SECISBP2L: variants seen among roughly 807,000 people sequenced by gnomAD.
The protein encoded by SECISBP2L is selenocysteine insertion sequence-binding protein 2-like.
In SECISBP2L, 43 loss-of-function variants were observed where a neutral mutation model predicts 114.7. The ratio of observed to expected loss-of-function variants is 0.38; its 90% CI spans 0.29 to 0.48. SECISBP2L has a LOEUF of 0.48. SECISBP2L is among the 20% of genes least tolerant of loss of function. The probability of loss-of-function intolerance (pLI) is 0.98; values close to 1 mark genes in which losing one functional copy is unlikely to be tolerated. For synonymous variants in SECISBP2L, 451 were observed against 439.7 expected, an observed-to-expected ratio of 1.03 and a Z score of -0.32; for missense variants, 1,136 against 1,301.1, an observed-to-expected ratio of 0.87 and a Z score of 1.95.
intron 13 of SECISBP2L, among the ~76,000 whole-genome samples, chr15:49,010,079 C>G (rs935659088): frequency 4.1e-4 from 61 of 147,332 alleles, no homozygotes; most frequent in Non-Finnish European, 7.2e-4. Context: ...TTGCAGTGAG[C>G]CAAGATGGCA....
At chr15:49,019,643 C>G in intron 7 of SECISBP2L, 91 bp from the exon 8 acceptor site, 1 of 1,047,336 alleles carries the variant, frequency 9.5e-7, no homozygotes, top group Non-Finnish European at 1.2e-6. Context: ...AAAGTACACG[C>G]AAGTGTACAA....
intron 8 of SECISBP2L, chr15:49,017,833 C>T (rs1413838946): frequency 2.3e-5 from 9 of 393,278 alleles, no homozygotes; most frequent in South Asian, 1.1e-4. Context: ...CGTATCCACA[C>T]ATGTCCAGTT....
In SECISBP2L at chr15:48,992,796, A is replaced by G. The variant is rs374106456; in HGVS notation, c.2754T>C (p.Gly918=). The change falls in exon 18 of 18, where the codon GGT becomes GGC. Residue 918 remains glycine (G), a synonymous_variant. Coordinates refer to ENST00000559471, the MANE Select transcript of SECISBP2L (RefSeq NM_001193489.2). ...SKLPFDTPPI[G]KQPSLVATGS... is the part of the protein sequence containing the mutation. Reference sequence around the variant, plus strand: ...CTGTAGCCACTAATGATGGCTGCTTACCAATTGGGGGTGTGTCAAATGGAA... The same window carrying G: ...CTGTAGCCACTAATGATGGCTGCTTGCCAATTGGGGGTGTGTCAAATGGAA... 4 of 1,614,034 alleles carry G rather than the reference A, an allele frequency of 2.5e-6. No individual in the cohort carries two copies. Among genetic ancestry groups the G allele is most frequent in the Non-Finnish European group, 2.5e-6 (3 of 1,180,036 alleles).
chr15:49,028,619 G>C lies in SECISBP2L; in HGVS notation c.728C>G (p.Ser243Cys), dbSNP rs757199185. 6.2e-7 allele frequency: 1 copy of C among 1,614,108 alleles called. No homozygotes were observed. The highest frequency in any genetic ancestry group is 1.1e-5 in the South Asian group (1 of 91,076). ...SETTATMLWK[S>C]KGRRRRASHP... ...GGATGCTCTTCTTCTCCTGCCCTTG[G>C]ACTTCCAGAGCATTGTTGCAGTGGT... is the stretch of plus-strand genomic sequence containing the variant. The change falls in exon 5 of 18, where the codon TCC becomes TGC. Residue 243 changes from serine (S) to cysteine (C), a missense_variant. Coordinates refer to ENST00000559471, the MANE Select transcript of SECISBP2L (RefSeq NM_001193489.2).
intron 1 of SECISBP2L, among the ~76,000 whole-genome samples, chr15:49,039,474 TCA>T (rs907089847): frequency 1.3e-4 from 19 of 150,864 alleles, no homozygotes; most frequent in African/African-American, 4.6e-4. Flanking sequence ...GAAACTGAAA[TCA>T]CAGTTTAACT....
intron 1 of SECISBP2L, among the ~76,000 whole-genome samples, chr15:49,039,395 A>G (rs964512823): frequency 6.6e-6 from 1 of 152,168 alleles, no homozygotes; most frequent in Admixed American, 6.5e-5. Context: ...AGAAAAGCCG[A>G]CGTACAGCAA....
At chr15:49,000,099 T>TAAC in intron 15 of SECISBP2L, 112 bp from the exon 16 acceptor site, 1 of 1,081,810 alleles carries the variant, frequency 9.2e-7, no homozygotes, top group Admixed American at 2.2e-5. Flanking sequence ...TGAACACTTG[T>TAAC]AGCACTTAAC....
chr15:48,994,901 G>GA (rs1352445837), intron 17 of SECISBP2L, among the ~76,000 whole-genome samples: 1 of 144,234 alleles, frequency 6.9e-6, no homozygotes, highest in East Asian at 2.0e-4. Context: ...ATTTAATTAT[G>GA]AAAAAAAATT....
At position 48,990,093 on chromosome 15, in the gene SECISBP2L, A is replaced by T. The variant is rs1901942775; in HGVS notation, c.*2151T>A. 6.6e-6 allele frequency: 1 copy of T among 152,668 alleles called. No homozygotes were observed. The highest frequency in any genetic ancestry group is 1.5e-5 in the Non-Finnish European group (1 of 68,042). The allele number at this position is 152,668 out of a possible 1,614,324, so 9.5% of individuals were successfully genotyped here. A position where few individuals can be genotyped will look rare whatever the true frequency, so the allele number is the denominator to read the frequency against. Reference sequence around the variant, plus strand: ...AATAAACACTTCTGAAGTCTATAGCAAAACTAAAAGTTACCAGTGTTCTGA... The same window carrying T: ...AATAAACACTTCTGAAGTCTATAGCTAAACTAAAAGTTACCAGTGTTCTGA... On this transcript the variant is annotated 3_prime_UTR_variant, in exon 18 of 18. Coordinates refer to ENST00000559471, the MANE Select transcript of SECISBP2L (RefSeq NM_001193489.2).
intron 13 of SECISBP2L, among the ~76,000 whole-genome samples, chr15:49,011,390 A>C (rs934681059): frequency 3.3e-5 from 5 of 152,242 alleles, no homozygotes; most frequent in Non-Finnish European, 7.3e-5. Context: ...AAAGAAAGAT[A>C]GCCAACAGTA....
intron 15 of SECISBP2L, 132 bp from the exon 16 acceptor site, chr15:49,000,119 C>T (rs1329552908): frequency 1.4e-5 from 11 of 792,250 alleles, no homozygotes; most frequent in East Asian, 1.0e-4. Context: ...CGCTGTTACA[C>T]ATTATCCTAT....
chr15:49,040,331 A>G (rs1200011117), intron 1 of SECISBP2L, among the ~76,000 whole-genome samples: 1 of 152,042 alleles, frequency 6.6e-6, no homozygotes, highest in Non-Finnish European at 1.5e-5. Context: ...GAGAGAGAGA[A>G]GCTGCTATAG....
chr15:49,021,137 C>T (rs1231594324), intron 7 of SECISBP2L, among the ~76,000 whole-genome samples: 1 of 152,018 alleles, frequency 6.6e-6, no homozygotes, highest in African/African-American at 2.4e-5. Flanking sequence ...CCCAGAGACG[C>T]CTTCACCCCT....
chr15:49,034,120 T>C (rs922068561), intron 3 of SECISBP2L, among the ~76,000 whole-genome samples: 1 of 152,190 alleles, frequency 6.6e-6, no homozygotes, highest in Non-Finnish European at 1.5e-5. Context: ...AAAAGCTTTT[T>C]AAAGCAATCT....
chr15:49,010,847 G>A (rs1056926455), intron 13 of SECISBP2L, among the ~76,000 whole-genome samples: 1 of 152,162 alleles, frequency 6.6e-6, no homozygotes, highest in African/African-American at 2.4e-5. Flanking sequence ...TGGGCTGTAA[G>A]CTCTTCAACA....
intron 7 of SECISBP2L, among the ~76,000 whole-genome samples, chr15:49,021,110 G>A (rs1202922349): frequency 1.3e-5 from 2 of 151,936 alleles, no homozygotes; most frequent in African/African-American, 4.8e-5. Context: ...TGGGATTAGT[G>A]ACCTCATATA....
chr15:49,008,172 G>A (rs1902361980), intron 14 of SECISBP2L, among the ~76,000 whole-genome samples: 1 of 152,114 alleles, frequency 6.6e-6, no homozygotes. Flanking sequence ...AATAACCAAG[G>A]CAAGCAAATT....
At chr15:49,026,694 A>G (rs974926044) in intron 7 of SECISBP2L, among the ~76,000 whole-genome samples, 1 of 152,226 alleles carries the variant, frequency 6.6e-6, no homozygotes, top group Non-Finnish European at 1.5e-5. Context: ...TTATTCACAG[A>G]TGAACATGTC....
chr15:48,993,890 T>C (rs1289050932), intron 17 of SECISBP2L, among the ~76,000 whole-genome samples: 1 of 152,134 alleles, frequency 6.6e-6, no homozygotes, highest in Non-Finnish European at 1.5e-5. Context: ...CATATTGACA[T>C]TACAGCTACT....
Sources: allele counts gnomAD v4.1 joint callset (sites outside exome capture counted in the v4.1 genomes callset), GRCh38; gene constraint gnomAD v4.1.1; transcripts MANE v1.5; gene names NCBI Gene and HGNC (gene_info 2026-07-23, HGNC 2026-07-21).